Variants in PCDHGA4 observed in about 807,000 individuals in gnomAD.
The protein encoded by PCDHGA4 is protocadherin gamma subfamily A, 4, also known as protocadherin gamma-A4.
A neutral mutation model predicts 54.6 loss-of-function variants in PCDHGA4; 38 were observed. The observed-to-expected ratio is 0.70, with a 90% CI of 0.54 to 0.91. The LOEUF (loss-of-function observed/expected upper bound fraction) is 0.91. PCDHGA4 is among the 40% of genes least tolerant of loss of function. PCDHGA4 has a pLI of 0.00. For missense variants in PCDHGA4, 1,298 were observed against 1,220.9 expected (o/e 1.06, Z -0.94); for synonymous variants, 511 against 512.9 (o/e 1.00, Z 0.05).
intron 1 of PCDHGA4, chr5:141,422,758 A>AAC (rs748292321): frequency 6.2e-7 from 1 of 1,613,150 alleles, no homozygotes. Flanking sequence ...TATTAACTCC[A>AAC]ACACTGGTGT....
chr5:141,398,812 C>A, intron 1 of PCDHGA4: 1 of 1,613,942 alleles, frequency 6.2e-7, no homozygotes, highest in South Asian at 1.1e-5. Context: ...CACTGAGCTC[C>A]GGATCCAGGT....
intron 1 of PCDHGA4, among the ~76,000 whole-genome samples, chr5:141,483,124 G>A (rs1468216170): frequency 6.6e-6 from 1 of 152,154 alleles, no homozygotes; most frequent in East Asian, 1.9e-4. Flanking sequence ...GTCTTTGTAG[G>A]AGATGAGGTG....
At chr5:141,458,103 T>TA (rs1401283935) in intron 1 of PCDHGA4, among the ~76,000 whole-genome samples, 2 of 152,212 alleles carry the variant, frequency 1.3e-5, no homozygotes, top group Non-Finnish European at 2.9e-5. Context: ...TACTTACAGA[T>TA]AGTCTCCAAA....
rs561392729 is a variant in PCDHGA4, at chr5:141,475,706, G to T, written c.2515-19101G>T. On this transcript the variant is annotated intron_variant, in intron 1 of 3. Transcript: ENST00000571252. ...GGATTGGAGACTTGCAGAACGGCTA[G>T]CCTCACAGCCCCAAGGCTGGCTTTC... Among the ~76,000 whole-genome samples the T allele has an allele frequency of 7.2e-5, 11 of 152,364 alleles. 1 individual carries two copies. In the South Asian group the frequency reaches 2.3e-3, roughly 32 times the overall value.
intron 3 of PCDHGA4, among the ~76,000 whole-genome samples, chr5:141,509,004 G>A (rs2099873761): frequency 6.6e-6 from 1 of 152,072 alleles, no homozygotes; most frequent in South Asian, 2.1e-4. Context: ...AGGAGAGGAG[G>A]AAGTGGGCAG....
intron 1 of PCDHGA4, chr5:141,375,951 C>A (rs767101939): frequency 6.2e-7 from 1 of 1,613,408 alleles, no homozygotes; most frequent in Non-Finnish European, 8.5e-7. Flanking sequence ...GGCCTGCACA[C>A]GGGCGAGGTG....
intron 1 of PCDHGA4, among the ~76,000 whole-genome samples, chr5:141,453,310 T>C (rs566320120): frequency 6.6e-6 from 1 of 152,044 alleles, no homozygotes; most frequent in South Asian, 2.1e-4. Context: ...TTTATTTATT[T>C]ATTTTAGAGA....
Position 141,511,267 on chromosome 5 carries a change from C to T in PCDHGA4, c.*94C>T, listed in dbSNP as rs1223074819. 1.3e-6 allele frequency: 2 copies of T among 1,549,404 alleles called. No homozygotes were observed. Among genetic ancestry groups the T allele is most frequent in the Non-Finnish European group, 1.7e-6 (2 of 1,146,836 alleles). On this transcript the variant is annotated 3_prime_UTR_variant, in exon 4 of 4. Transcript: ENST00000571252. ...CCAGGCCTCAGAGTTTCAGGGCTAA[C>T]CCCCAGAATACTGGTAGGGGCCAAG...
chr5:141,444,035 T>C (rs928920813), intron 1 of PCDHGA4, among the ~76,000 whole-genome samples: 1 of 151,694 alleles, frequency 6.6e-6, no homozygotes, highest in Non-Finnish European at 1.5e-5. Context: ...ATTCAGTAAA[T>C]CAGATAATTT....
chr5:141,431,375 G>C lies in PCDHGA4; in HGVS notation c.2515-63432G>C. ...ACGCGCCCTGGACCGCGAAGAAAAG[G>C]CTGCTCACCACCTGGTCCTTACGGC... On this transcript the variant is annotated intron_variant, in intron 1 of 3. Transcript: ENST00000571252. This position sits in a 1 kb window ranked among gnomAD's most constrained non-coding sequence, Gnocchi z 4.8. 6.2e-7 allele frequency: 1 copy of C among 1,613,422 alleles called. No individual in the cohort carries two copies. The highest frequency in any genetic ancestry group is 8.5e-7 in the Non-Finnish European group (1 of 1,179,570).
Position 141,384,229 on chromosome 5 carries a change from G to A in PCDHGA4, c.2514+26608G>A, listed in dbSNP as rs571021830. The A allele has an allele frequency of 3.1e-6, 5 of 1,613,904 alleles. No individual in the cohort carries two copies. In the South Asian group the frequency reaches 5.5e-5, roughly 18 times the overall value. On this transcript the variant is annotated intron_variant, in intron 1 of 3. Transcript: ENST00000571252. The stretch of plus-strand genomic sequence containing the variant: ...AACTCACATATTCATGCAGGTGGCA[G>A]ACACCAACGATAACCCACCCACCTT...
At chr5:141,435,435 T>G (rs2097763289) in intron 1 of PCDHGA4, among the ~76,000 whole-genome samples, 1 of 152,212 alleles carries the variant, frequency 6.6e-6, no homozygotes. Context: ...TGTTATGCAT[T>G]TCATTAATAC....
intron 1 of PCDHGA4, chr5:141,395,501 A>T: frequency 2.1e-6 from 1 of 467,130 alleles, no homozygotes; most frequent in African/African-American, 2.0e-5. Context: ...TCATTCACTT[A>T]AGAAGTAGCT....
chr5:141,398,088 C>T lies in PCDHGA4; in HGVS notation c.2514+40467C>T, dbSNP rs781722295. On this transcript the variant is annotated intron_variant, in intron 1 of 3. Coordinates refer to ENST00000571252, the MANE Select transcript of PCDHGA4 (RefSeq NM_018917.4). ...AATACAGAGGTTATTTGTAACCTGGCGTCTCCAGGCTGGTGAGCAAGCTGA... is the reference window on the plus strand; with the variant it reads ...AATACAGAGGTTATTTGTAACCTGGTGTCTCCAGGCTGGTGAGCAAGCTGA... The T allele has an allele frequency of 1.1e-5, 18 of 1,598,420 alleles. 1 individual carries two copies. In the South Asian group the frequency reaches 1.9e-4, roughly 17 times the overall value.
Position 141,491,886 on chromosome 5 carries a change from G to A in PCDHGA4, c.2515-2921G>A. On this transcript the variant is annotated intron_variant, in intron 1 of 3. Coordinates refer to ENST00000571252, the MANE Select transcript of PCDHGA4 (RefSeq NM_018917.4). The surrounding 1 kb of genome is among the most constrained non-coding windows in gnomAD (Gnocchi z 6.9). ...CCAGAGTGGCCGATTAAGGGATGGG[G>A]CTCCGAGCACCGGGGGTGGTGGCGA... 6.9e-7 allele frequency: 1 copy of A among 1,445,558 alleles called. No individual in the cohort carries two copies. Among genetic ancestry groups the A allele is most frequent in the Non-Finnish European group, 9.1e-7 (1 of 1,093,458 alleles). 89.5% of individuals were successfully genotyped at this position (1,445,558 alleles called of 1,614,324 possible). A position where few individuals can be genotyped will look rare whatever the true frequency, so the allele number is the denominator to read the frequency against.
At chr5:141,439,774 T>G (rs1435214431) in intron 1 of PCDHGA4, 2 of 152,364 alleles carry the variant, frequency 1.3e-5, no homozygotes, top group East Asian at 3.9e-4. Context: ...CCTTCTTGGC[T>G]GGAGATTCTA....
intron 2 of PCDHGA4, among the ~76,000 whole-genome samples, chr5:141,497,390 C>T (rs2099776143): frequency 6.6e-6 from 1 of 152,158 alleles, no homozygotes; most frequent in Non-Finnish European, 1.5e-5. Context: ...GAGCACCTTA[C>T]CCCTGCCTCA....
chr5:141,410,849 C>CTTTT lies in PCDHGA4; in HGVS notation c.2514+53247_2514+53250dup, dbSNP rs759346998. The CTTTT allele has an allele frequency of 9.0e-3, 1,245 of 137,660 alleles. 106 individuals are homozygous for CTTTT. The highest frequency in any genetic ancestry group is 0.023 in the African/African-American group (378 of 16,590). 8.5% of individuals were successfully genotyped at this position (137,660 alleles called of 1,614,324 possible). On this transcript the variant is annotated intron_variant, in intron 1 of 3. Coordinates refer to ENST00000571252, the MANE Select transcript of PCDHGA4 (RefSeq NM_018917.4). The stretch of plus-strand genomic sequence containing the variant: ...CAGACTGAAGATATTTTGTCTTTGT[C>CTTTT]TTTTTTTTTTTTTTTTTTTTTTGAG...
At chr5:141,507,120 T>TA (rs1256499995) in intron 3 of PCDHGA4, 2 of 152,206 alleles carry the variant, frequency 1.3e-5, no homozygotes, top group African/African-American at 4.8e-5. Context: ...TGGCTGCCTT[T>TA]GGATCCAGCC....
Sources: gnomAD v4.1 joint callset for allele counts (sites outside exome capture counted in the v4.1 genomes callset) on GRCh38, gnomAD v4.1.1 for gene constraint, Gnocchi (gnomAD v3.1) non-coding constraint, MANE v1.5 for transcripts, NCBI Gene and HGNC (gene_info 2026-07-23, HGNC 2026-07-21) for gene names.